Variants in DGKB observed in about 807,000 individuals in gnomAD.
The protein encoded by DGKB is diacylglycerol kinase beta.
Under a neutral mutation model 114.3 loss-of-function variants are expected in DGKB, and 67 were observed. The observed-to-expected ratio is 0.59, with a 90% CI of 0.48 to 0.72. The LOEUF is 0.72. DGKB is among the 30% of genes least tolerant of loss of function. The pLI is 0.00. For synonymous variants in DGKB, 398 were observed against 323.1 expected (o/e 1.23, Z -2.49); for missense variants, 907 against 975.2 (o/e 0.93, Z 0.93).
chr7:14,805,914 G>C (rs1842739933), intron 2 of DGKB, among the ~76,000 whole-genome samples: 1 of 150,166 alleles, frequency 6.7e-6, no homozygotes, highest in Non-Finnish European at 1.5e-5. Flanking sequence ...TAATATTTTA[G>C]AAAATATCCT....
At chr7:14,418,438 C>A (rs941871927) in intron 21 of DGKB, among the ~76,000 whole-genome samples, 13 of 148,044 alleles carry the variant, frequency 8.8e-5, no homozygotes, top group African/African-American at 3.2e-4. Context: ...TCCTTTATGG[C>A]AGAGTGTAAA....
chr7:14,437,599 C>T (rs1374205927), intron 21 of DGKB, among the ~76,000 whole-genome samples: 4 of 151,846 alleles, frequency 2.6e-5, no homozygotes, highest in African/African-American at 9.7e-5. Flanking sequence ...TTGCATACCT[C>T]CTAAATATGT....
At chr7:14,658,119 A>T (rs1317407098) in intron 13 of DGKB, among the ~76,000 whole-genome samples, 1 of 151,980 alleles carries the variant, frequency 6.6e-6, no homozygotes, top group East Asian at 1.9e-4. Flanking sequence ...GAAGAAGAGG[A>T]GAAGTTAATA....
rs563328881 is a variant in DGKB at position 14,260,945 on chromosome 7, G to T, written c.2122+77570C>A. Among the ~76,000 whole-genome samples the T allele has an allele frequency of 3.3e-5, 5 of 152,252 alleles. No homozygotes were observed. The South Asian group carries it at 8.3e-4, about 25-fold the overall frequency. On this transcript the variant is annotated intron_variant, in intron 23 of 25. Coordinates refer to ENST00000402815, the MANE Select transcript of DGKB (RefSeq NM_001350709.2). ...ACATTTAACGAAATCAAAGAGTCAT[G>T]AAAATCACTTAAAACCAAAACACGC...
chr7:14,373,670 T>A (rs1307814022), intron 21 of DGKB, among the ~76,000 whole-genome samples: 1 of 152,204 alleles, frequency 6.6e-6, no homozygotes, highest in East Asian at 1.9e-4. Flanking sequence ...TTTCTCCTGC[T>A]CTATCTTGGC....
chr7:14,672,590 A>G (rs569826157), intron 13 of DGKB, among the ~76,000 whole-genome samples: 151 of 152,190 alleles, frequency 9.9e-4, no homozygotes, highest in African/African-American at 3.5e-3. Flanking sequence ...AAAATTGCCC[A>G]TAAGAATAAC....
At chr7:14,418,936 A>G (rs1826229130) in intron 21 of DGKB, among the ~76,000 whole-genome samples, 1 of 151,914 alleles carries the variant, frequency 6.6e-6, no homozygotes, top group South Asian at 2.1e-4. Context: ...GGTTGCTTCT[A>G]AAATATAAAC....
intron 20 of DGKB, among the ~76,000 whole-genome samples, chr7:14,527,478 T>C (rs1037058472): frequency 3.3e-5 from 5 of 152,118 alleles, no homozygotes; most frequent in Admixed American, 1.3e-4. Flanking sequence ...CATCCAAATT[T>C]CTGGCATAAT....
At chr7:14,730,600 C>T (rs1830763549) in intron 5 of DGKB, among the ~76,000 whole-genome samples, 1 of 152,178 alleles carries the variant, frequency 6.6e-6, no homozygotes, top group Admixed American at 6.5e-5. Flanking sequence ...GGAGATGGAG[C>T]GAATAGGGCT....
chr7:14,794,906 C>T (rs188749221), intron 2 of DGKB, among the ~76,000 whole-genome samples: 3 of 152,094 alleles, frequency 2.0e-5, no homozygotes, highest in Admixed American at 2.0e-4. Context: ...GTATTCCCAC[C>T]CATAGTGGTA....
chr7:14,815,373 C>T (rs1843981011), intron 2 of DGKB: 1 of 152,218 alleles, frequency 6.6e-6, no homozygotes, highest in Admixed American at 6.5e-5. Context: ...GCAGGTCTCC[C>T]TGTTGATTAT....
rs1415712058 is a variant in DGKB, at chr7:14,655,137, A to AC, written c.1134+17791dup. 8.6e-5 allele frequency among the ~76,000 whole-genome samples: 13 copies of AC among 152,040 alleles called. 1 individual carries two copies. The East Asian group carries it at 2.3e-3, about 27-fold the overall frequency. ...AAAATATCTACAAACTATTTACCTG[A>AC]CAAGGGCCTTTTACCTAGAATATAC... On this transcript the variant is annotated intron_variant, in intron 13 of 25. Transcript: ENST00000402815.
chr7:14,253,804 T>C (rs920358820), intron 23 of DGKB, among the ~76,000 whole-genome samples: 1 of 152,166 alleles, frequency 6.6e-6, no homozygotes, highest in African/African-American at 2.4e-5. Flanking sequence ...CTTGTATGTG[T>C]CCATTTGTCT....
chr7:14,757,989 G>A (rs1034666398), intron 2 of DGKB, among the ~76,000 whole-genome samples: 1 of 151,998 alleles, frequency 6.6e-6, no homozygotes, highest in Non-Finnish European at 1.5e-5. Context: ...AAGCCTCAAT[G>A]GTGAATCCAT....
chr7:14,901,529 C>T (rs1248145377), intron 1 of DGKB, among the ~76,000 whole-genome samples: 1 of 151,918 alleles, frequency 6.6e-6, no homozygotes, highest in Non-Finnish European at 1.5e-5. Flanking sequence ...TGTACTAATA[C>T]AGTGTTTTCT....
intron 19 of DGKB, among the ~76,000 whole-genome samples, chr7:14,576,623 A>C (rs1461450355): frequency 6.6e-6 from 1 of 152,090 alleles, no homozygotes; most frequent in Non-Finnish European, 1.5e-5. Context: ...AATGCTTTCA[A>C]AAAGGTTGAA....
intron 23 of DGKB, among the ~76,000 whole-genome samples, chr7:14,236,013 C>T (rs1025556821): frequency 6.6e-5 from 10 of 151,886 alleles, no homozygotes; most frequent in Admixed American, 2.0e-4. Context: ...ACTAATAATT[C>T]AGAGTTTTGA....
chr7:14,192,208 A>G (rs1784410239), intron 23 of DGKB: 1 of 238,488 alleles, frequency 4.2e-6, no homozygotes. Flanking sequence ...TTTTACATAA[A>G]GAAAACTCTA....
At chr7:14,191,171 G>T (rs185181223) in intron 23 of DGKB, 1 of 170,342 alleles carries the variant, frequency 5.9e-6, no homozygotes, top group South Asian at 1.6e-4. Flanking sequence ...AATTTGAACT[G>T]GTGTCTCCAG....
Sources: gnomAD v4.1 joint callset for allele counts (sites outside exome capture counted in the v4.1 genomes callset) on GRCh38, gnomAD v4.1.1 for gene constraint, MANE v1.5 for transcripts, NCBI Gene and HGNC (gene_info 2026-07-23, HGNC 2026-07-21) for gene names.